FAM83G: variants seen among roughly 807,000 people sequenced by gnomAD.
FAM83G encodes the protein scaffolding CK1 anchoring protein G.
In FAM83G, 38 loss-of-function variants were observed where a neutral mutation model predicts 61.5. That is an observed-to-expected ratio of 0.62 (90% CI 0.48 to 0.81). FAM83G has a LOEUF of 0.81. Among genes scored for constraint, FAM83G ranks in the 30% least tolerant of loss-of-function variants. FAM83G has a pLI of 0.00. For synonymous variants in FAM83G, 470 were observed against 476.1 expected (o/e 0.99, Z 0.17); for missense variants, 989 against 1,133.6 (o/e 0.87, Z 1.83).
At position 18,969,741 on chromosome 17, in the gene FAM83G, C is replaced by T; in HGVS notation, c.*1618G>A. ...CTTGATGGTGAGGTGGGGCTGTAGG[C>T]GGGTGTGAAGGCACACAACCAGGAG... On this transcript the variant is annotated 3_prime_UTR_variant, in exon 6 of 6. Transcript: ENST00000388995. 6.3e-6 allele frequency: 2 copies of T among 318,814 alleles called. No individual in the cohort carries two copies. Among genetic ancestry groups the T allele is most frequent in the Non-Finnish European group, 5.7e-6 (1 of 174,126 alleles). 19.7% of individuals were successfully genotyped at this position (318,814 alleles called of 1,614,324 possible). A position where few individuals can be genotyped will look rare whatever the true frequency, so the allele number is the denominator to read the frequency against.
chr17:18,978,744 G>A lies in FAM83G; in HGVS notation c.922C>T (p.His308Tyr), dbSNP rs2152010079. The A allele has an allele frequency of 6.2e-7, 1 of 1,613,012 alleles. No individual in the cohort carries two copies. Among genetic ancestry groups the A allele is most frequent in the Non-Finnish European group, 8.5e-7 (1 of 1,180,010 alleles). The change falls in exon 5 of 6, where the codon CAC (histidine) becomes TAC (tyrosine). Residue 308 changes from histidine (H) to tyrosine (Y), a missense_variant. Physicochemically the swap from His to Tyr is moderately conservative, Grantham distance 83. Coordinates refer to ENST00000388995, the MANE Select transcript of FAM83G (RefSeq NM_001039999.3). The part of the protein sequence containing the change: ...RQFQELYLMS[H>Y]SVSLKGIPME... ...GGGATGCCCTTGAGGCTCACACTGT[G>A]TGACATGAGGTACAGCTCCTGGAAC...
At chr17:18,976,512 G>A (rs907541475) in intron 5 of FAM83G, 1 of 277,390 alleles carries the variant, frequency 3.6e-6, no homozygotes, top group African/African-American at 2.2e-5. Context: ...ATGAGGGTAG[G>A]GGTGTATGTC....
rs2043699312 is a variant in FAM83G, at chr17:19,000,371, A to G, written c.522+3149T>C. ...TTCAATACCTGTTCCCATTTTACAG[A>G]TGGGATGACCGGGGCTTGGAGAGGA... On this transcript the variant is annotated intron_variant, in intron 2 of 5. Transcript: ENST00000388995. The surrounding 1 kb of genome is among the most constrained non-coding windows in gnomAD (Gnocchi z 5.2). Among the ~76,000 whole-genome samples the G allele has an allele frequency of 6.6e-6, 1 of 152,120 alleles. No individual in the cohort carries two copies.
intron 3 of FAM83G, chr17:18,986,033 G>C (rs1349713551): frequency 6.6e-6 from 1 of 152,338 alleles, no homozygotes; most frequent in Admixed American, 6.5e-5. Context: ...CATCACTATG[G>C]CCATGGGGCA....
chr17:18,987,871 C>T (rs2152129101), intron 3 of FAM83G, among the ~76,000 whole-genome samples: 1 of 152,316 alleles, frequency 6.6e-6, no homozygotes, highest in East Asian at 1.9e-4. Flanking sequence ...TGAAGCTCTC[C>T]AGAAAGGCCA....
In FAM83G at chr17:18,977,659, G is replaced by C. The variant is rs371029426; in HGVS notation, c.2007C>G (p.Ala669=). 6.2e-7 allele frequency: 1 copy of C among 1,610,048 alleles called. No homozygotes were observed. Among genetic ancestry groups the C allele is most frequent in the Admixed American group, 1.7e-5 (1 of 59,970 alleles). The stretch of plus-strand genomic sequence containing the variant: ...CTGCTTCTTCTCTTCCCCGACTCTG[G>C]GCCCATGGGGAGCCACCCTGGGGTC... ...FVGPQGGSPW[A]QSRGREEADA... is the part of the protein sequence containing the mutation. The change falls in exon 5 of 6, where the codon GCC becomes GCG. Residue 669 remains alanine (A), a synonymous_variant. Transcript: ENST00000388995.
At chr17:18,976,633 G>A in intron 5 of FAM83G, 1 of 574,840 alleles carries the variant, frequency 1.7e-6, no homozygotes, top group South Asian at 2.3e-5. Context: ...GAGTCCCTGG[G>A]AATGAGTGTA....
chr17:18,986,698 G>A (rs1427192585), intron 3 of FAM83G, among the ~76,000 whole-genome samples: 1 of 152,232 alleles, frequency 6.6e-6, no homozygotes, highest in East Asian at 1.9e-4. Flanking sequence ...CCCAGGTTAG[G>A]GTCCCTGCTC....
At chr17:18,988,753 C>T (rs759781341) in intron 2 of FAM83G, among the ~76,000 whole-genome samples, 4 of 152,236 alleles carry the variant, frequency 2.6e-5, no homozygotes, top group African/African-American at 7.2e-5. Context: ...GCTGGCGTGG[C>T]GGCTCGCTGG....
rs978477753 is a variant in FAM83G at position 18,971,987 on chromosome 17, A to G, written c.2083-239T>C. ...TAGCAAGGCAGCTTCCTCCCAGCTCACCCCCGCAGCCTCCTCTATTCCGAC... is the reference window on the plus strand; with the variant it reads ...TAGCAAGGCAGCTTCCTCCCAGCTCGCCCCCGCAGCCTCCTCTATTCCGAC... On this transcript the variant is annotated intron_variant, in intron 5 of 5. Coordinates refer to ENST00000388995, the MANE Select transcript of FAM83G (RefSeq NM_001039999.3). This position sits in a 1 kb window ranked among gnomAD's most constrained non-coding sequence, Gnocchi z 5.5. 1.3e-4 allele frequency among the ~76,000 whole-genome samples: 19 copies of G among 151,824 alleles called. No individual in the cohort carries two copies. The highest frequency in any genetic ancestry group is 4.6e-4 in the African/African-American group (19 of 41,324).
At position 18,978,825 on chromosome 17, in the gene FAM83G, C is replaced by T; in HGVS notation, c.841G>A (p.Asp281Asn). 5 of 1,612,622 alleles carry T rather than the reference C, an allele frequency of 3.1e-6. No individual in the cohort carries two copies. Among genetic ancestry groups the T allele is most frequent in the Non-Finnish European group, 4.2e-6 (5 of 1,179,744 alleles). ...YSFTWSAART[D>N]RNVISVLSGQ... is the part of the protein sequence containing the mutation. Reference sequence around the variant, plus strand: ...GACAGCACAGAGATCACATTCCGGTCCGTCCGCGCGGCCGACCACGTGAAG... The same window carrying T: ...GACAGCACAGAGATCACATTCCGGTTCGTCCGCGCGGCCGACCACGTGAAG... Residue 281 changes from aspartate to asparagine, a missense_variant, in exon 5 of 6, where the codon GAC becomes AAC. Physicochemically the swap from Asp to Asn is conservative, Grantham distance 23. Around this residue, in one of 3 missense-constraint regions of FAM83G, gnomAD observed 371 missense variants for 404.5 expected, o/e 0.92. Coordinates refer to ENST00000388995, the MANE Select transcript of FAM83G (RefSeq NM_001039999.3).
intron 2 of FAM83G, among the ~76,000 whole-genome samples, chr17:19,002,666 G>A (rs888130582): frequency 1.3e-4 from 20 of 152,316 alleles, no homozygotes; most frequent in African/African-American, 2.2e-4. Flanking sequence ...AGGTACTTAC[G>A]TGCAGCAGGC....
chr17:18,974,011 GCCT>G (rs1339567904), intron 5 of FAM83G, among the ~76,000 whole-genome samples: 1 of 149,836 alleles, frequency 6.7e-6, no homozygotes, highest in Non-Finnish European at 1.5e-5. Flanking sequence ...TCCTGCCTCA[GCCT>G]CCTAAGTAGT....
intron 2 of FAM83G, among the ~76,000 whole-genome samples, chr17:19,002,184 G>A (rs1231163346): frequency 6.6e-6 from 1 of 152,122 alleles, no homozygotes; most frequent in Non-Finnish European, 1.5e-5. Context: ...CTTCACAATA[G>A]CCAAAGATGC....
intron 3 of FAM83G, among the ~76,000 whole-genome samples, chr17:18,980,844 G>A (rs1291130166): frequency 3.9e-5 from 6 of 152,144 alleles, no homozygotes; most frequent in African/African-American, 1.4e-4. Flanking sequence ...CTGAGGTCAG[G>A]CAGGGAATCT....
At chr17:18,997,747 C>G (rs1170880697) in intron 2 of FAM83G, among the ~76,000 whole-genome samples, 1 of 152,200 alleles carries the variant, frequency 6.6e-6, no homozygotes, top group African/African-American at 2.4e-5. Flanking sequence ...GGGAGCTCAC[C>G]ACTTCCACCC....
Position 18,971,089 on chromosome 17 carries a change from C to CACCACCT in FAM83G, c.*263_*269dup. On this transcript the variant is annotated 3_prime_UTR_variant, in exon 6 of 6. Coordinates refer to ENST00000388995, the MANE Select transcript of FAM83G (RefSeq NM_001039999.3). The surrounding 1 kb of genome is among the most constrained non-coding windows in gnomAD (Gnocchi z 5.5). ...CCATTCCCTCCAGGACCATTGCCAA[C>CACCACCT]ACCACCTGCCACCTGCCACGTACAG... 1.9e-6 allele frequency: 3 copies of CACCACCT among 1,614,134 alleles called. No individual in the cohort carries two copies. The highest frequency in any genetic ancestry group is 2.5e-6 in the Non-Finnish European group (3 of 1,180,040).
chr17:18,985,523 G>A (rs938825701), intron 3 of FAM83G, among the ~76,000 whole-genome samples: 2 of 152,078 alleles, frequency 1.3e-5, no homozygotes, highest in Admixed American at 6.6e-5. Flanking sequence ...AGGGATTATC[G>A]GCAAAGGAAG....
In FAM83G at chr17:19,000,439, C is replaced by T. The variant is rs1213995277; in HGVS notation, c.522+3081G>A. 6.6e-6 allele frequency among the ~76,000 whole-genome samples: 1 copy of T among 152,154 alleles called. No homozygotes were observed. The highest frequency in any genetic ancestry group is 1.5e-5 in the Non-Finnish European group (1 of 68,006). ...GTCCCACAGTCAGGCAGAGGCAGAG[C>T]ACGGACTCTTGGCTCCTGGTCCTGC... On this transcript the variant is annotated intron_variant, in intron 2 of 5. Coordinates refer to ENST00000388995, the MANE Select transcript of FAM83G (RefSeq NM_001039999.3). This position sits in a 1 kb window ranked among gnomAD's most constrained non-coding sequence, Gnocchi z 5.2.
Sources: allele counts gnomAD v4.1 joint callset (sites outside exome capture counted in the v4.1 genomes callset), GRCh38; gene constraint gnomAD v4.1.1; regional missense constraint gnomAD v4.1.1; non-coding constraint Gnocchi (gnomAD v3.1); transcripts MANE v1.5; gene names NCBI Gene and HGNC (gene_info 2026-07-23, HGNC 2026-07-21).